The following EFCAB11 variants were observed in gnomAD, a reference collection of about 807,000 sequenced individuals.
EFCAB11 encodes EF-hand calcium binding domain 11.
Under a neutral mutation model 23.0 loss-of-function variants are expected in EFCAB11, and 14 were observed. The observed-to-expected ratio is 0.61, with a 90% confidence interval of 0.40 to 0.95. The LOEUF is 0.95. EFCAB11 is among the 40% of genes least tolerant of loss of function. The probability of loss-of-function intolerance (pLI) is 0.00; values close to 1 mark genes in which losing one functional copy is unlikely to be tolerated. For missense variants in EFCAB11, 198 were observed against 195.8 expected (o/e 1.01, Z -0.07); for synonymous variants, 65 against 66.6 (o/e 0.98, Z 0.11).
At chr14:89,943,258 T>C (rs1890855160) in intron 3 of EFCAB11, among the ~76,000 whole-genome samples, 1 of 152,020 alleles carries the variant, frequency 6.6e-6, no homozygotes, top group Non-Finnish European at 1.5e-5. Context: ...TTTTTTTTTT[T>C]TTTTTGAAAC....
intron 2 of EFCAB11, among the ~76,000 whole-genome samples, chr14:89,953,021 G>A (rs1006379047): frequency 3.9e-5 from 6 of 152,190 alleles, no homozygotes; most frequent in Admixed American, 1.3e-4. Context: ...CAAGCAGGAG[G>A]TTCATGGAGG....
chr14:89,815,466 G>C (rs561487644), intron 5 of EFCAB11, among the ~76,000 whole-genome samples: 1 of 151,040 alleles, frequency 6.6e-6, no homozygotes, highest in Non-Finnish European at 1.5e-5. Context: ...TTGTTCTGTC[G>C]CCCAGGCTGG....
intron 5 of EFCAB11, among the ~76,000 whole-genome samples, chr14:89,896,380 ACT>A (rs1393687133): frequency 3.3e-5 from 5 of 151,022 alleles, no homozygotes; most frequent in African/African-American, 4.9e-5. Flanking sequence ...GCAGAGCGAG[ACT>A]CTGTCTCAAA....
intron 5 of EFCAB11, among the ~76,000 whole-genome samples, chr14:89,887,469 A>G (rs926263627): frequency 6.6e-6 from 1 of 152,234 alleles, no homozygotes; most frequent in East Asian, 1.9e-4. Context: ...CTTTTTAAAA[A>G]GTAAAACTAG....
chr14:89,804,037 T>C (rs752252235), intron 5 of EFCAB11, among the ~76,000 whole-genome samples: 1 of 152,256 alleles, frequency 6.6e-6, no homozygotes, highest in Non-Finnish European at 1.5e-5. Flanking sequence ...CGGTGTGTAC[T>C]GGGGTCCCTT....
At chr14:89,825,617 A>T (rs1886664847) in intron 5 of EFCAB11, among the ~76,000 whole-genome samples, 1 of 152,190 alleles carries the variant, frequency 6.6e-6, no homozygotes, top group South Asian at 2.1e-4. Flanking sequence ...CCCACAAATC[A>T]CCTATATCAC....
At chr14:89,888,932 C>T (rs1036065870) in intron 5 of EFCAB11, among the ~76,000 whole-genome samples, 9 of 152,124 alleles carry the variant, frequency 5.9e-5, no homozygotes, top group African/African-American at 2.2e-4. Flanking sequence ...GTTTGCAGTT[C>T]TAATTGCTAA....
chr14:89,806,082 A>G (rs534121581), intron 5 of EFCAB11, among the ~76,000 whole-genome samples: 1 of 152,288 alleles, frequency 6.6e-6, no homozygotes, highest in African/African-American at 2.4e-5. Flanking sequence ...GAGGGAACTA[A>G]TATATATTTT....
chr14:89,914,237 G>A (rs144524056), intron 5 of EFCAB11, among the ~76,000 whole-genome samples: 10 of 152,248 alleles, frequency 6.6e-5, no homozygotes, highest in African/African-American at 1.9e-4. Context: ...TCTCATTAAC[G>A]CAGCATGAGG....
chr14:89,805,146 G>A (rs942194319), intron 5 of EFCAB11, among the ~76,000 whole-genome samples: 12 of 152,202 alleles, frequency 7.9e-5, no homozygotes, highest in Non-Finnish European at 1.6e-4. Flanking sequence ...TTAGCACTCG[G>A]CTCAGCCTAC....
chr14:89,907,480 T>C lies in EFCAB11; in HGVS notation c.410+24061A>G, dbSNP rs565138230. Among the ~76,000 whole-genome samples the C allele has an allele frequency of 5.9e-5, 9 of 152,284 alleles. No homozygotes were observed. In the East Asian group the frequency reaches 1.7e-3, roughly 29 times the overall value. ...GAAATCAGGCATTTTATAAAAAGAA[T>C]GTACAATTCAGCTAATGTGTTTTCA... On this transcript the variant is annotated intron_variant, in intron 5 of 5. Coordinates refer to ENST00000316738, the MANE Select transcript of EFCAB11 (RefSeq NM_145231.4).
intron 5 of EFCAB11, among the ~76,000 whole-genome samples, chr14:89,883,474 T>C (rs1888661999): frequency 6.6e-6 from 1 of 152,234 alleles, no homozygotes; most frequent in African/African-American, 2.4e-5. Context: ...GCATATAACC[T>C]AAGCACATCC....
intron 5 of EFCAB11, chr14:89,836,652 T>G (rs1111758): frequency 0.051 from 23,132 of 456,692 alleles, 1,388 homozygotes; most frequent in African/African-American, 0.2. Context: ...AGCTCATTAT[T>G]AATGTACATC....
At chr14:89,840,858 T>C (rs1388337963) in intron 5 of EFCAB11, among the ~76,000 whole-genome samples, 2 of 152,238 alleles carry the variant, frequency 1.3e-5, no homozygotes, top group African/African-American at 2.4e-5. Context: ...AAGAATATTA[T>C]TGTTGAGAAT....
At chr14:89,835,409 A>G (rs1332848239) in intron 5 of EFCAB11, among the ~76,000 whole-genome samples, 3 of 152,112 alleles carry the variant, frequency 2.0e-5, no homozygotes, top group Admixed American at 2.0e-4. Flanking sequence ...AAACATATGT[A>G]TAGCCTGAAG....
At chr14:89,821,984 T>C (rs1886534024) in intron 5 of EFCAB11, among the ~76,000 whole-genome samples, 1 of 152,198 alleles carries the variant, frequency 6.6e-6, no homozygotes, top group Admixed American at 6.5e-5. Flanking sequence ...AACATAAACA[T>C]TACACATGAC....
At chr14:89,878,508 T>A (rs775969273) in intron 5 of EFCAB11, among the ~76,000 whole-genome samples, 1 of 152,150 alleles carries the variant, frequency 6.6e-6, no homozygotes, top group Non-Finnish European at 1.5e-5. Context: ...ATGAAAATCA[T>A]CTCCAAATGC....
chr14:89,918,899 T>G (rs1889934985), intron 5 of EFCAB11, among the ~76,000 whole-genome samples: 1 of 151,102 alleles, frequency 6.6e-6, no homozygotes, highest in African/African-American at 2.4e-5. Context: ...CTGAGTTACA[T>G]TTCTCCTGGA....
chr14:89,828,482 C>T (rs747168478), intron 5 of EFCAB11, among the ~76,000 whole-genome samples: 14 of 152,050 alleles, frequency 9.2e-5, no homozygotes, highest in Non-Finnish European at 1.9e-4. Flanking sequence ...CTGAAGAAAC[C>T]AAGACCCAAA....
Sources: gnomAD v4.1 joint callset for allele counts (sites outside exome capture counted in the v4.1 genomes callset) on GRCh38, gnomAD v4.1.1 for gene constraint, MANE v1.5 for transcripts, NCBI Gene and HGNC (gene_info 2026-07-23, HGNC 2026-07-21) for gene names.